Variants in P2RY8 observed in about 807,000 individuals in gnomAD.
P2RY8 encodes the protein P2Y receptor family member 8, also known as S-geranylgeranyl-glutathione receptor P2RY8.
In P2RY8, 6 loss-of-function variants were observed where a neutral mutation model predicts 10.0. That is an observed-to-expected ratio of 0.60 (90% CI 0.33 to 1.19). The LOEUF (loss-of-function observed/expected upper bound fraction) is 1.19, where lower values mean the gene tolerates loss of function less well. P2RY8 is among the 50% of genes most tolerant of loss of function. P2RY8 has a pLI of 0.04. For missense variants in P2RY8, 456 were observed against 542.0 expected, an observed-to-expected ratio of 0.84 and a Z score of 1.58; for synonymous variants, 276 against 252.5, an observed-to-expected ratio of 1.09 and a Z score of -0.88.
intron 1 of P2RY8, among the ~76,000 whole-genome samples, chrX:1,530,176 C>T (rs867666207): frequency 4.1e-5 from 5 of 122,500 alleles, no homozygotes; most frequent in African/African-American, 1.6e-4. Flanking sequence ...ATCTATCTAT[C>T]TATCTATCTA....
chrX:1,492,475 C>T (rs1159041540), intron 1 of P2RY8, among the ~76,000 whole-genome samples: 1 of 151,998 alleles, frequency 6.6e-6, no homozygotes, highest in African/African-American at 2.4e-5. Context: ...AGAAAGTGGT[C>T]TTCCTCCAGT....
At chrX:1,482,944 G>A (rs1273770526) in intron 1 of P2RY8, among the ~76,000 whole-genome samples, 4 of 151,922 alleles carry the variant, frequency 2.6e-5, no homozygotes, top group African/African-American at 2.4e-5. Context: ...GGACTGTTGT[G>A]GGGTGGGGGG....
At chrX:1,519,176 TA>T (rs1202308445) in intron 1 of P2RY8, among the ~76,000 whole-genome samples, 1 of 151,538 alleles carries the variant, frequency 6.6e-6, no homozygotes, top group African/African-American at 2.4e-5. Context: ...TGATCCCCAG[TA>T]ATCTCTGAGA....
chrX:1,522,947 T>C (rs1339841777), intron 1 of P2RY8, among the ~76,000 whole-genome samples: 2 of 151,346 alleles, frequency 1.3e-5, no homozygotes, highest in Non-Finnish European at 2.9e-5. Context: ...CACATGCCTA[T>C]AATCCCAGCT....
chrX:1,518,842 CCTGT>C (rs1234277298), intron 1 of P2RY8, among the ~76,000 whole-genome samples: 8 of 152,124 alleles, frequency 5.3e-5, no homozygotes, highest in Middle Eastern at 3.2e-3. Context: ...ACTCCCAAAG[CCTGT>C]CTAATTTCCA....
intron 1 of P2RY8, among the ~76,000 whole-genome samples, chrX:1,467,051 G>T (rs28439014): frequency 0.5 from 76,409 of 151,394 alleles, 19,317 homozygotes; most frequent in Middle Eastern, 0.64. Context: ...AGTGTCCCCC[G>T]TGGACGGAAA....
chrX:1,530,145 GTATGTATGTATGATCTATCTATCTATC>G (rs1426820451), intron 1 of P2RY8, among the ~76,000 whole-genome samples: 8 of 14,706 alleles, frequency 5.4e-4, no homozygotes, highest in East Asian at 5.8e-3. Flanking sequence ...ATGTATGTAT[GTATGTATGTATGATCTATCTATCTATC>G]TATCTATCTA....
intron 1 of P2RY8, among the ~76,000 whole-genome samples, chrX:1,519,959 C>T: frequency 6.6e-6 from 1 of 151,730 alleles, no homozygotes; most frequent in Non-Finnish European, 1.5e-5. Context: ...AATAATCTCT[C>T]TGGTCCCCAA....
intron 1 of P2RY8, among the ~76,000 whole-genome samples, chrX:1,513,944 C>T (rs2092319283): frequency 6.6e-6 from 1 of 152,246 alleles, no homozygotes; most frequent in Non-Finnish European, 1.5e-5. Context: ...AGGATGATCT[C>T]ATCCCAAACC....
intron 1 of P2RY8, among the ~76,000 whole-genome samples, chrX:1,532,384 G>A (rs189011844): frequency 0.029 from 4,028 of 138,262 alleles, 202 homozygotes; most frequent in African/African-American, 0.088. Flanking sequence ...TATGATGTGT[G>A]TATATGCACA....
Position 1,479,198 on chromosome X carries a change from C to T in P2RY8, c.-24-12616G>A, listed in dbSNP as rs572417321. On this transcript the variant is annotated intron_variant, in intron 1 of 1. Coordinates refer to ENST00000381297, the MANE Select transcript of P2RY8 (RefSeq NM_178129.5). ...GGTCCCACTTCCCTTCAGAAGTAAC[C>T]TCTGGGAGTTCGTTTGCTCTGGAGC... 7.9e-5 allele frequency among the ~76,000 whole-genome samples: 12 copies of T among 152,350 alleles called. 1 individual carries two copies. Among genetic ancestry groups the T allele is most frequent in the Admixed American group, 7.2e-4 (11 of 15,304 alleles).
At chrX:1,469,259 C>T (rs1381402715) in intron 1 of P2RY8, among the ~76,000 whole-genome samples, 1 of 149,264 alleles carries the variant, frequency 6.7e-6, no homozygotes. Context: ...TGTCTCCCTG[C>T]TTCAAGCGAT....
rs1465609876 is a variant in P2RY8 at position 1,464,184 on chromosome X, G to C, written c.*1295C>G. The C allele has an allele frequency of 4.3e-6, 1 of 233,330 alleles. No individual in the cohort carries two copies. Among genetic ancestry groups the C allele is most frequent in the Admixed American group, 5.6e-5 (1 of 17,780 alleles). 14.5% of individuals were successfully genotyped at this position (233,330 alleles called of 1,614,324 possible). ...GGCAGCTCTCCCACTCCCACCTCCA[G>C]AATGGTCTTTCTCGCCCAAGAGAGC... On this transcript the variant is annotated 3_prime_UTR_variant, in exon 2 of 2. Transcript: ENST00000381297.
intron 1 of P2RY8, among the ~76,000 whole-genome samples, chrX:1,529,586 C>T (rs762663694): frequency 3.5e-4 from 53 of 152,106 alleles, no homozygotes; most frequent in Non-Finnish European, 7.1e-4. Context: ...CACAGAGAAT[C>T]CTCCAGCCCT....
At chrX:1,518,721 G>A (rs187448908) in intron 1 of P2RY8, among the ~76,000 whole-genome samples, 24 of 151,340 alleles carry the variant, frequency 1.6e-4, no homozygotes, top group Non-Finnish European at 3.2e-4. Context: ...CTCCCTGGCC[G>A]CCAATATTCT....
intron 1 of P2RY8, among the ~76,000 whole-genome samples, chrX:1,509,010 C>CTGTCTATCCTGTATGTGTT (rs1380712092): frequency 4.3e-3 from 580 of 134,868 alleles, no homozygotes; most frequent in Non-Finnish European, 7.2e-3. Flanking sequence ...GTTCATCCAT[C>CTGTCTATCCTGTATGTGTT]CATCCATCCA....
rs190874105 is a variant in P2RY8, at chrX:1,479,857, T to G, written c.-24-13275A>C. 6.6e-4 allele frequency among the ~76,000 whole-genome samples: 101 copies of G among 152,182 alleles called. 1 individual carries two copies. The East Asian group carries it at 0.019, about 28-fold the overall frequency. ...CATTAAAAAGATCATAAAGAAATAT[T>G]ATAAACAATTCTGTGCCCATAAAAT... On this transcript the variant is annotated intron_variant, in intron 1 of 1. Transcript: ENST00000381297.
intron 1 of P2RY8, among the ~76,000 whole-genome samples, chrX:1,475,773 C>A (rs1318656057): frequency 6.6e-6 from 1 of 152,186 alleles, no homozygotes; most frequent in African/African-American, 2.4e-5. Context: ...AAAGACGGCA[C>A]TGCAAAGCAA....
chrX:1,466,127 A>T lies in P2RY8; in HGVS notation c.432T>A (p.Cys144Ter). 1 of 1,611,670 alleles carries T rather than the reference A, an allele frequency of 6.2e-7. No homozygotes were observed. The highest frequency in any genetic ancestry group is 1.1e-5 in the South Asian group (1 of 90,916). ...WRRRRYAVAA[C>*]AGTWLLLLTA... ...TCAGGAGCAGCAGCCAGGTCCCTGCACACGCGGCCACCGCGTAACGACGGC... is the reference window on the plus strand; with the variant it reads ...TCAGGAGCAGCAGCCAGGTCCCTGCTCACGCGGCCACCGCGTAACGACGGC... The change falls in exon 2 of 2, where the codon TGT (cysteine) becomes TGA (stop). Residue 144 changes from cysteine to a stop codon, truncating the protein, a stop_gained. Coordinates refer to ENST00000381297, the MANE Select transcript of P2RY8 (RefSeq NM_178129.5). LOFTEE classifies it low-confidence loss of function (END_TRUNC).
Sources: gnomAD v4.1 joint callset for allele counts (sites outside exome capture counted in the v4.1 genomes callset) on GRCh38, gnomAD v4.1.1 for gene constraint, MANE v1.5 for transcripts, NCBI Gene and HGNC (gene_info 2026-07-23, HGNC 2026-07-21) for gene names.